MYO1H: variants seen among roughly 807,000 people sequenced by gnomAD.
MYO1H encodes the protein unconventional myosin-Ih.
In MYO1H, 118 loss-of-function variants were observed where a neutral mutation model predicts 149.3. That is an observed-to-expected ratio of 0.79 (90% CI 0.68 to 0.92). The LOEUF is 0.92. MYO1H is among the 40% of genes least tolerant of loss of function. The probability of loss-of-function intolerance (pLI) is 0.00; values close to 1 mark genes in which losing one functional copy is unlikely to be tolerated. For missense variants in MYO1H, 1,212 were observed against 1,280.7 expected, an observed-to-expected ratio of 0.95 and a Z score of 0.82; for synonymous variants, 447 against 465.2, an observed-to-expected ratio of 0.96 and a Z score of 0.50.
At chr12:109,375,156 A>G (rs1592783042) in intron 1 of MYO1H, among the ~76,000 whole-genome samples, 3 of 124,266 alleles carry the variant, frequency 2.4e-5, no homozygotes, top group Admixed American at 8.3e-5. Flanking sequence ...TGCCCGGCGG[A>G]TTTTTTTTTT....
intron 1 of MYO1H, among the ~76,000 whole-genome samples, chr12:109,364,173 A>T (rs997579243): frequency 1.8e-3 from 163 of 89,704 alleles, no homozygotes; most frequent in Non-Finnish European, 2.8e-3. Context: ...CATGTCTTTA[A>T]AAAAAAAAAA....
At chr12:109,314,877 A>G in the MYO1H span, among the ~76,000 whole-genome samples, 198 of 152,272 alleles carry the variant, frequency 1.3e-3, 1 homozygote, top group African/African-American at 4.6e-3. Context: ...AGGTCAGCAG[A>G]TCACTTGAGC....
chr12:109,431,150 T>C (rs1303149570), intron 19 of MYO1H, among the ~76,000 whole-genome samples: 1 of 151,170 alleles, frequency 6.6e-6, no homozygotes, highest in South Asian at 2.1e-4. Flanking sequence ...GAGGCCGAAG[T>C]GGGTGGATCA....
chr12:109,384,056 G>T (rs1267090942), intron 1 of MYO1H, among the ~76,000 whole-genome samples: 1 of 152,216 alleles, frequency 6.6e-6, no homozygotes, highest in African/African-American at 2.4e-5. Flanking sequence ...ACAGGACTGG[G>T]TATGTAATTC....
the MYO1H span, among the ~76,000 whole-genome samples, chr12:109,318,980 T>G: frequency 8.1e-5 from 11 of 136,146 alleles, no homozygotes; most frequent in South Asian, 2.3e-4. Context: ...TTGTTTTTTT[T>G]TTTTTTTTTT....
chr12:109,443,005 A>AT (rs1170128315), intron 27 of MYO1H, among the ~76,000 whole-genome samples: 16 of 89,464 alleles, frequency 1.8e-4, no homozygotes, highest in Non-Finnish European at 3.1e-4. Context: ...AGGAAAAAAA[A>AT]AAAAATATAT....
chr12:109,443,502 T>C lies in MYO1H; in HGVS notation c.2689-12T>C, dbSNP rs1163744621. The C allele has an allele frequency of 3.7e-6, 6 of 1,611,976 alleles. No individual in the cohort carries two copies. The highest frequency in any genetic ancestry group is 5.1e-6 in the Non-Finnish European group (6 of 1,178,400). On this transcript the variant is annotated splice_polypyrimidine_tract_variant and intron_variant, in intron 27 of 31. Coordinates refer to ENST00000310903, the Ensembl canonical transcript of MYO1H. ...CCCCACCTTCCCTGGTGAAGTCACC[T>C]TCCCCTTGCAGTATGGTGTCCCGGT... is the stretch of plus-strand genomic sequence containing the variant.
chr12:109,410,539 T>C (rs1870619430), intron 12 of MYO1H, 149 bp from the exon 13 acceptor site: 2 of 645,662 alleles, frequency 3.1e-6, no homozygotes, highest in Non-Finnish European at 5.4e-6. Flanking sequence ...TCCTGGGAAA[T>C]TATTTTGATA....
At chr12:109,321,180 C>T in the MYO1H span, among the ~76,000 whole-genome samples, 1 of 152,186 alleles carries the variant, frequency 6.6e-6, no homozygotes, top group African/African-American at 2.4e-5. Context: ...ATACCACACA[C>T]AATAGACAGG....
chr12:109,416,422 G>A (rs548674396), intron 15 of MYO1H, among the ~76,000 whole-genome samples: 91 of 146,036 alleles, frequency 6.2e-4, no homozygotes, highest in Middle Eastern at 6.9e-3. Context: ...ATCATGCAAT[G>A]TGTGACCTTT....
chr12:109,329,038 T>C, the MYO1H span, among the ~76,000 whole-genome samples: 1 of 151,772 alleles, frequency 6.6e-6, no homozygotes, highest in Non-Finnish European at 1.5e-5. Flanking sequence ...TTTTTCTTTT[T>C]TTTTTTTTTT....
chr12:109,353,388 C>T (rs572103789), intron 1 of MYO1H, among the ~76,000 whole-genome samples: 660 of 34,308 alleles, frequency 0.019, 11 homozygotes, highest in African/African-American at 0.097. Context: ...AGCGAGACTC[C>T]GTCTCAAAAA....
chr12:109,345,587 AC>A (rs538440128), upstream of MYO1H, among the ~76,000 whole-genome samples: 27 of 152,300 alleles, frequency 1.8e-4, 1 homozygote, highest in South Asian at 3.9e-3. Flanking sequence ...TTAACACGTA[AC>A]CCAGCAATTC....
chr12:109,421,360 T>G (rs1254433811), intron 16 of MYO1H, among the ~76,000 whole-genome samples: 2 of 152,114 alleles, frequency 1.3e-5, no homozygotes, highest in East Asian at 3.8e-4. Context: ...AAATAAGTTA[T>G]CCATTAGTGA....
chr12:109,417,466 T>C (rs1870969109), intron 15 of MYO1H, among the ~76,000 whole-genome samples: 1 of 151,938 alleles, frequency 6.6e-6, no homozygotes, highest in South Asian at 2.1e-4. Context: ...TAGCTGGGAC[T>C]ACAGGTGCCC....
At chr12:109,372,118 A>T (rs1453559975) in intron 1 of MYO1H, among the ~76,000 whole-genome samples, 1 of 152,110 alleles carries the variant, frequency 6.6e-6, no homozygotes, top group African/African-American at 2.4e-5. Context: ...CTCTGCTTAT[A>T]ATGTTTTTTT....
intron 22 of MYO1H, among the ~76,000 whole-genome samples, chr12:109,437,136 T>C (rs188846196): frequency 6.6e-6 from 1 of 152,178 alleles, no homozygotes; most frequent in Non-Finnish European, 1.5e-5. Context: ...TTTGAAAAAG[T>C]TTCAAACATA....
intron 1 of MYO1H, among the ~76,000 whole-genome samples, chr12:109,376,576 T>C (rs190676659): frequency 1.1e-3 from 168 of 152,370 alleles, no homozygotes; most frequent in African/African-American, 4.0e-3. Flanking sequence ...TGCTTTGTTC[T>C]GCTACCTTTG....
intron 16 of MYO1H, among the ~76,000 whole-genome samples, chr12:109,422,566 G>A (rs537145452): frequency 1.8e-4 from 28 of 152,284 alleles, no homozygotes; most frequent in African/African-American, 6.0e-4. Context: ...GGTCATGGCC[G>A]TCAGCTTCAC....
Sources: allele counts gnomAD v4.1 joint callset (sites outside exome capture counted in the v4.1 genomes callset), GRCh38; gene constraint gnomAD v4.1.1; transcripts MANE v1.5; gene names NCBI Gene and HGNC (gene_info 2026-07-23, HGNC 2026-07-21).